Variants in NF1 observed in about 807,000 individuals in gnomAD.
NF1 encodes neurofibromin 1, also known as neurofibromin.
In NF1, 122 loss-of-function variants were observed where a neutral mutation model predicts 325.7. The observed-to-expected ratio is 0.37, with a 90% CI of 0.32 to 0.44. The LOEUF (loss-of-function observed/expected upper bound fraction) is 0.44. Ranked by LOEUF, NF1 falls within the 20% of genes least tolerant of loss-of-function variation. The pLI, the probability that NF1 is intolerant of heterozygous loss-of-function variation, is 1.00. For missense variants in NF1, 2,140 were observed against 3,415.4 expected (o/e 0.63, Z 9.31); for synonymous variants, 1,091 against 1,186.0 (o/e 0.92, Z 1.65).
At position 31,225,189 on chromosome 17, in the gene NF1, A is replaced by C. The variant is rs1170252879; in HGVS notation, c.1940A>C (p.His647Pro). ...SGNTSQMSMD[H>P]EELLRTPGAS... ...AATACCAGTCAAATGTCCATGGATC[A>C]TGAAGAATTACTACGTACTCCTGGA... The change falls in exon 17 of 58, where the codon CAT becomes CCT. Residue 647 changes from histidine (H) to proline (P), a missense_variant. Physicochemically the swap from His to Pro is moderately conservative, Grantham distance 77. Coordinates refer to ENST00000358273, the MANE Select transcript of NF1 (RefSeq NM_001042492.3). 6.2e-7 allele frequency: 1 copy of C among 1,613,886 alleles called. No homozygotes were observed. Among genetic ancestry groups the C allele is most frequent in the Admixed American group, 1.7e-5 (1 of 60,016 alleles).
chr17:31,127,369 T>C (rs1035417986), intron 1 of NF1, among the ~76,000 whole-genome samples: 1 of 152,162 alleles, frequency 6.6e-6, no homozygotes, highest in Non-Finnish European at 1.5e-5. Flanking sequence ...GACATTGTTA[T>C]GATATTGAGG....
rs1597868932 is a variant in NF1 at position 31,359,073 on chromosome 17, G to A, written c.8160+58G>A. 5 of 1,349,974 alleles carry A rather than the reference G, an allele frequency of 3.7e-6. No individual in the cohort carries two copies. The East Asian group carries it at 9.2e-5, about 25-fold the overall frequency. The allele number at this position is 1,349,974 out of a possible 1,614,324, so 83.6% of individuals were successfully genotyped here. A position where few individuals can be genotyped will look rare whatever the true frequency, so the allele number is the denominator to read the frequency against. ...AAAATGAAGGTTTCTGTTCAAATTA[G>A]TATGCCTGCTTTAAGAACACACAAT... On this transcript the variant is annotated intron_variant, in intron 56 of 57. Coordinates refer to ENST00000358273, the MANE Select transcript of NF1 (RefSeq NM_001042492.3).
At position 31,334,936 on chromosome 17, in the gene NF1, G is replaced by A. The variant is rs2069605938; in HGVS notation, c.5911G>A (p.Val1971Ile). 6.2e-7 allele frequency: 1 copy of A among 1,613,690 alleles called. No homozygotes were observed. The highest frequency in any genetic ancestry group is 2.2e-5 in the East Asian group (1 of 44,846). Reference protein sequence around the residue: ...KHNDDAKRQRVTAILDKLITM... With the variant: ...KHNDDAKRQRITAILDKLITM... ...TAATGATGATGCCAAACGACAAAGAGTTACTGCTATTCTTGACAAGCTGAT... is the reference window on the plus strand; with the variant it reads ...TAATGATGATGCCAAACGACAAAGAATTACTGCTATTCTTGACAAGCTGAT... Residue 1971 changes from valine to isoleucine, a missense_variant, in exon 40 of 58, where the codon GTT becomes ATT. Coordinates refer to ENST00000358273, the MANE Select transcript of NF1 (RefSeq NM_001042492.3).
intron 36 of NF1, chr17:31,272,591 G>A (rs1327127513): frequency 6.6e-6 from 1 of 152,226 alleles, no homozygotes; most frequent in African/African-American, 2.4e-5. Context: ...CAGGATTGGG[G>A]TTCATTCTGG....
rs786203041 is a variant in NF1 at position 31,219,064 on chromosome 17, C to T, written c.1587C>T (p.Leu529=). Reference sequence around the variant, plus strand: ...GTACAGCAGAATTAATTACAGGGCTCGTCCAACTGGTCCCTCAGTCACACA... The same window carrying T: ...GTACAGCAGAATTAATTACAGGGCTTGTCCAACTGGTCCCTCAGTCACACA... ...QGSTAELITG[L]VQLVPQSHMP... Residue 529 remains leucine, a synonymous_variant, in exon 14 of 58, where the codon CTC becomes CTT. Coordinates refer to ENST00000358273, the MANE Select transcript of NF1 (RefSeq NM_001042492.3). 1.2e-5 allele frequency: 20 copies of T among 1,613,682 alleles called. No individual in the cohort carries two copies. Among genetic ancestry groups the T allele is most frequent in the South Asian group, 2.2e-5 (2 of 91,012 alleles).
At chr17:31,155,644 A>G (rs966124860) in intron 1 of NF1, among the ~76,000 whole-genome samples, 2 of 152,218 alleles carry the variant, frequency 1.3e-5, no homozygotes, top group Non-Finnish European at 2.9e-5. Context: ...TGTTTCTGTG[A>G]GTCATCATTT....
At chr17:31,324,697 G>A (rs900016301) in intron 36 of NF1, among the ~76,000 whole-genome samples, 2 of 152,264 alleles carry the variant, frequency 1.3e-5, no homozygotes, top group South Asian at 2.1e-4. Flanking sequence ...AAGTAGCTGG[G>A]ATTACAGACA....
intron 4 of NF1, among the ~76,000 whole-genome samples, 153 bp from the exon 5 acceptor site, chr17:31,169,738 G>A (rs143081925): frequency 3.7e-3 from 565 of 152,018 alleles, no homozygotes; most frequent in Non-Finnish European, 6.5e-3. Flanking sequence ...TAGAGATGAT[G>A]TCTTGCTATG....
chr17:31,222,027 T>C, intron 15 of NF1, 98 bp downstream of exon 15: 1 of 1,325,410 alleles, frequency 7.5e-7, no homozygotes, highest in African/African-American at 1.5e-5. Context: ...ATTGTAAAAC[T>C]TACACTTCCA....
intron 4 of NF1, among the ~76,000 whole-genome samples, chr17:31,167,730 A>G (rs2065868135): frequency 6.6e-6 from 1 of 152,168 alleles, no homozygotes; most frequent in African/African-American, 2.4e-5. Context: ...AGAAAAGTTT[A>G]ATGCCTTTTA....
At chr17:31,095,472 C>A (rs2143148610) in intron 1 of NF1, 103 bp downstream of exon 1, 2 of 1,162,224 alleles carry the variant, frequency 1.7e-6, no homozygotes, top group Non-Finnish European at 2.4e-6. Context: ...CTGCCTCAGG[C>A]TCTGGAGGAA....
At chr17:31,266,616 T>C (rs759531209) in intron 36 of NF1, among the ~76,000 whole-genome samples, 4 of 152,224 alleles carry the variant, frequency 2.6e-5, no homozygotes, top group Non-Finnish European at 5.9e-5. Context: ...ATTTTTACTT[T>C]TCCGTTGTTG....
At chr17:31,153,268 A>G (rs1917073156) in intron 1 of NF1, among the ~76,000 whole-genome samples, 1 of 152,198 alleles carries the variant, frequency 6.6e-6, no homozygotes, top group Non-Finnish European at 1.5e-5. Context: ...TAAACTTTTG[A>G]TTTCTTGTCT....
At chr17:31,220,943 C>T (rs1050299347) in intron 14 of NF1, among the ~76,000 whole-genome samples, 5 of 151,992 alleles carry the variant, frequency 3.3e-5, no homozygotes, top group Non-Finnish European at 7.4e-5. Flanking sequence ...TTAAGATTCT[C>T]AACAATTAAT....
At chr17:31,296,289 G>A in intron 36 of NF1, 3 of 1,613,970 alleles carry the variant, frequency 1.9e-6, no homozygotes, top group Non-Finnish European at 2.5e-6. Context: ...AGAAACAGAA[G>A]GATGAACAGG....
At chr17:31,142,136 G>A (rs917159271) in intron 1 of NF1, among the ~76,000 whole-genome samples, 1 of 152,134 alleles carries the variant, frequency 6.6e-6, no homozygotes, top group African/African-American at 2.4e-5. Flanking sequence ...TTTGCTTAAT[G>A]TTATGCCTTC....
intron 36 of NF1, chr17:31,304,880 A>G (rs2068667605): frequency 1.2e-6 from 2 of 1,613,984 alleles, no homozygotes; most frequent in East Asian, 2.2e-5. Context: ...CCATCAGCAA[A>G]TGGAGATCTA....
At chr17:31,123,062 A>G (rs538224306) in intron 1 of NF1, among the ~76,000 whole-genome samples, 2 of 152,346 alleles carry the variant, frequency 1.3e-5, no homozygotes, top group Admixed American at 6.5e-5. Flanking sequence ...TTGAACTGCC[A>G]TGTTAAAACT....
At chr17:31,276,208 CAAAAAAAAAAAAAAAA>C (rs57914332) in intron 36 of NF1, among the ~76,000 whole-genome samples, 1 of 78,936 alleles carries the variant, frequency 1.3e-5, no homozygotes, top group Admixed American at 1.7e-4. Flanking sequence ...GACTCCATCT[CAAAAAAAAAAAAAAAA>C]AAAAAAAAGG....
Sources: gnomAD v4.1 joint callset for allele counts (sites outside exome capture counted in the v4.1 genomes callset) on GRCh38, gnomAD v4.1.1 for gene constraint, MANE v1.5 for transcripts, NCBI Gene and HGNC (gene_info 2026-07-23, HGNC 2026-07-21) for gene names.